Variants in MTMR7 observed in about 807,000 individuals in gnomAD.
MTMR7 encodes myotubularin related protein 7, also known as phosphatidylinositol-3-phosphate phosphatase MTMR7.
A neutral mutation model predicts 81.2 loss-of-function variants in MTMR7; 76 were observed. The observed-to-expected ratio is 0.94, with a 90% CI of 0.78 to 1.13. The LOEUF (loss-of-function observed/expected upper bound fraction) is 1.13. MTMR7 is among the 50% of genes most tolerant of loss of function. The pLI is 0.00. For synonymous variants in MTMR7, 372 were observed against 289.8 expected (o/e 1.28, Z -2.88); for missense variants, 1,044 against 820.0 (o/e 1.27, Z -3.34).
chr8:17,367,371 GA>G (rs1268246907), intron 3 of MTMR7, among the ~76,000 whole-genome samples: 3 of 151,656 alleles, frequency 2.0e-5, no homozygotes, highest in Non-Finnish European at 4.4e-5. Context: ...GGGAAGAGAG[GA>G]GAGAGGACAT....
At chr8:17,309,436 C>T (rs1817667454) in intron 9 of MTMR7, 110 bp from the exon 10 acceptor site, 12 of 752,770 alleles carry the variant, frequency 1.6e-5, no homozygotes, top group South Asian at 7.5e-5. Flanking sequence ...TCCCCATCCT[C>T]GAGTAACCTG....
intron 3 of MTMR7, among the ~76,000 whole-genome samples, chr8:17,366,101 TG>T (rs1440371707): frequency 1.3e-5 from 2 of 152,144 alleles, no homozygotes; most frequent in Non-Finnish European, 2.9e-5. Flanking sequence ...CCATAGAAAA[TG>T]CAAGACATCA....
chr8:17,361,376 T>C, intron 3 of MTMR7, 102 bp from the exon 4 acceptor site: 1 of 1,270,120 alleles, frequency 7.9e-7, no homozygotes, highest in Non-Finnish European at 1.1e-6. Flanking sequence ...AGAGAGGCCA[T>C]CCCAACCCCC....
chr8:17,343,342 A>G (rs1363528947), intron 5 of MTMR7, among the ~76,000 whole-genome samples: 1 of 152,150 alleles, frequency 6.6e-6, no homozygotes, highest in Non-Finnish European at 1.5e-5. Flanking sequence ...AGGCAGGAGA[A>G]TCACTTGAAC....
At chr8:17,311,727 A>G (rs1255948289) in intron 8 of MTMR7, 91 bp from the exon 9 acceptor site, 1 of 1,571,474 alleles carries the variant, frequency 6.4e-7, no homozygotes, top group African/African-American at 1.4e-5. Context: ...GTATATTTAC[A>G]GAAAGAAACA....
intron 7 of MTMR7, among the ~76,000 whole-genome samples, chr8:17,316,069 T>A (rs1411231172): frequency 6.6e-6 from 1 of 152,178 alleles, no homozygotes; most frequent in Admixed American, 6.5e-5. Flanking sequence ...CCTGCTTCTT[T>A]CCTATGAAGA....
At chr8:17,378,967 G>T (rs1300968807) in intron 1 of MTMR7, among the ~76,000 whole-genome samples, 2 of 152,184 alleles carry the variant, frequency 1.3e-5, no homozygotes, top group Non-Finnish European at 2.9e-5. Context: ...AGTGAGAAGA[G>T]ATCTGAGGAA....
intron 6 of MTMR7, among the ~76,000 whole-genome samples, chr8:17,336,411 C>T (rs371404766): frequency 5.3e-5 from 8 of 152,088 alleles, no homozygotes; most frequent in East Asian, 3.9e-4. Flanking sequence ...ACACTGCCCT[C>T]GCCCCAGTTC....
intron 7 of MTMR7, among the ~76,000 whole-genome samples, chr8:17,328,108 C>T (rs866976915): frequency 2.6e-5 from 4 of 152,138 alleles, no homozygotes; most frequent in African/African-American, 9.7e-5. Context: ...CAAAGCTACT[C>T]GTGGGGAGAA....
chr8:17,358,965 C>T (rs1170217979), intron 4 of MTMR7, among the ~76,000 whole-genome samples: 1 of 152,164 alleles, frequency 6.6e-6, no homozygotes, highest in African/African-American at 2.4e-5. Flanking sequence ...GCGATCATGG[C>T]TCACTGCTGC....
chr8:17,397,653 C>A (rs75751264), intron 1 of MTMR7, among the ~76,000 whole-genome samples: 1 of 152,136 alleles, frequency 6.6e-6, no homozygotes, highest in African/African-American at 2.4e-5. Context: ...AACTCGCCAC[C>A]CTGAAGGGAA....
chr8:17,337,021 GAAACA>G (rs1019909704), intron 6 of MTMR7, among the ~76,000 whole-genome samples: 1 of 152,102 alleles, frequency 6.6e-6, no homozygotes, highest in Non-Finnish European at 1.5e-5. Context: ...TCCATGAAAA[GAAACA>G]AAACAAAACA....
intron 1 of MTMR7, among the ~76,000 whole-genome samples, chr8:17,404,191 G>C (rs1821509586): frequency 6.6e-6 from 1 of 152,106 alleles, no homozygotes; most frequent in African/African-American, 2.4e-5. Flanking sequence ...TTTCAGAATA[G>C]GGTGGTAGGA....
chr8:17,381,336 C>T (rs1014415355), intron 1 of MTMR7, among the ~76,000 whole-genome samples: 10 of 152,136 alleles, frequency 6.6e-5, no homozygotes, highest in Non-Finnish European at 1.3e-4. Context: ...TCCTCCTTGG[C>T]CTTCCCTTCA....
intron 3 of MTMR7, among the ~76,000 whole-genome samples, chr8:17,363,236 T>C (rs1324221852): frequency 6.6e-6 from 1 of 152,228 alleles, no homozygotes; most frequent in Non-Finnish European, 1.5e-5. Context: ...CTAAGTACCA[T>C]TTTCATGACT....
chr8:17,344,268 T>G (rs1289857865), intron 5 of MTMR7, among the ~76,000 whole-genome samples: 1 of 152,124 alleles, frequency 6.6e-6, no homozygotes, highest in East Asian at 1.9e-4. Flanking sequence ...AACAAAGTAA[T>G]TCAAGCCCCA....
chr8:17,323,848 A>G (rs1818534489), intron 7 of MTMR7, among the ~76,000 whole-genome samples: 1 of 152,200 alleles, frequency 6.6e-6, no homozygotes, highest in Non-Finnish European at 1.5e-5. Flanking sequence ...ACTTTCTTCT[A>G]CAAGCACTCA....
chr8:17,303,090 A>G (rs1817234265), intron 12 of MTMR7, among the ~76,000 whole-genome samples: 1 of 152,210 alleles, frequency 6.6e-6, no homozygotes, highest in African/African-American at 2.4e-5. Flanking sequence ...AGTTACCCTT[A>G]GAACCACTAT....
chr8:17,363,114 C>T (rs1235854040), intron 3 of MTMR7, among the ~76,000 whole-genome samples: 3 of 152,198 alleles, frequency 2.0e-5, no homozygotes, highest in Non-Finnish European at 2.9e-5. Flanking sequence ...AGAGCAGACG[C>T]GTTCCGTAAA....
Sources: allele counts gnomAD v4.1 joint callset (sites outside exome capture counted in the v4.1 genomes callset), GRCh38; gene constraint gnomAD v4.1.1; transcripts MANE v1.5; gene names NCBI Gene and HGNC (gene_info 2026-07-23, HGNC 2026-07-21).